Variants in SLC35C1 observed in about 807,000 individuals in gnomAD.
The protein encoded by SLC35C1 is solute carrier family 35 member C1.
Under a neutral mutation model 23.2 loss-of-function variants are expected in SLC35C1, and 8 were observed. The observed-to-expected ratio is 0.35, with a 90% confidence interval of 0.20 to 0.62. SLC35C1 has a LOEUF of 0.62. Ranked by LOEUF, SLC35C1 falls within the 20% of genes least tolerant of loss-of-function variation. SLC35C1 has a pLI of 0.75. For synonymous variants in SLC35C1, 226 were observed against 225.1 expected, an observed-to-expected ratio of 1.00 and a Z score of -0.04; for missense variants, 422 against 478.6, an observed-to-expected ratio of 0.88 and a Z score of 1.10.
rs1476944695 is a variant in SLC35C1 at position 45,812,366 on chromosome 11, G to A, written c.*1031G>A. 6 of 364,104 alleles carry A rather than the reference G, an allele frequency of 1.6e-5. No homozygotes were observed. Among genetic ancestry groups the A allele is most frequent in the Non-Finnish European group, 3.2e-5 (6 of 184,760 alleles). 22.6% of individuals were successfully genotyped at this position (364,104 alleles called of 1,614,324 possible). A position where few individuals can be genotyped will look rare whatever the true frequency, so the allele number is the denominator to read the frequency against. ...CACCAACCTTTACATTCTTCCCTGA[G>A]GTTGTGGCTGACAGAGCCTGCTTGG... On this transcript the variant is annotated 3_prime_UTR_variant, in exon 2 of 2. Transcript: ENST00000314134.
upstream of SLC35C1, chr11:45,805,019 G>A: frequency 2.0e-6 from 2 of 985,796 alleles, no homozygotes; most frequent in Non-Finnish European, 2.4e-6. Flanking sequence ...CAGGGGCGGG[G>A]CTGGGGACTG....
chr11:45,804,530 G>A (rs1278967980), upstream of SLC35C1: 12 of 985,600 alleles, frequency 1.2e-5, no homozygotes, highest in South Asian at 4.7e-5. Context: ...AAGAGATGCT[G>A]TCTTGAGCCT....
At chr11:45,809,920 A>G in intron 1 of SLC35C1, 1 of 985,378 alleles carries the variant, frequency 1.0e-6, no homozygotes, top group Non-Finnish European at 1.2e-6. Context: ...AGGCAGTAAG[A>G]GTCCAGGTTC....
At chr11:45,810,130 C>T (rs1451578780) in intron 1 of SLC35C1, 17 of 985,316 alleles carry the variant, frequency 1.7e-5, no homozygotes, top group Middle Eastern at 5.2e-4. Context: ...CCGCCTGCCA[C>T]GCCAAGGAGT....
At chr11:45,805,125 G>C, upstream of SLC35C1, 1 of 986,800 alleles carries the variant, frequency 1.0e-6, no homozygotes, top group Non-Finnish European at 1.2e-6. Flanking sequence ...AGTGAGTCCA[G>C]GGCCCGCCTC....
chr11:45,810,707 C>A, intron 1 of SLC35C1, 69 bp from the exon 2 acceptor site: 1 of 1,555,078 alleles, frequency 6.4e-7, no homozygotes, highest in Non-Finnish European at 8.7e-7. Context: ...GTCTGATCCT[C>A]TGTCCTTCTT....
upstream of SLC35C1, chr11:45,804,768 A>C: frequency 1.0e-6 from 1 of 985,598 alleles, no homozygotes; most frequent in Non-Finnish European, 1.2e-6. Context: ...CTGCAACGCG[A>C]GTCTCCGGAG....
At chr11:45,804,837 T>C, upstream of SLC35C1, 2 of 985,666 alleles carry the variant, frequency 2.0e-6, no homozygotes, top group Non-Finnish European at 2.4e-6. Flanking sequence ...TTCCGGGAAG[T>C]GGACCTGCGA....
chr11:45,805,074 G>C, upstream of SLC35C1: 1 of 985,774 alleles, frequency 1.0e-6, no homozygotes, highest in Non-Finnish European at 1.2e-6. Flanking sequence ...GGCAAGGCGG[G>C]GCGTGCGGGC....
chr11:45,806,251 C>T lies in SLC35C1; in HGVS notation c.450C>T (p.Thr150=), dbSNP rs767141422. The change falls in exon 1 of 2, where the codon ACC becomes ACT. Residue 150 remains threonine (T), a synonymous_variant. Coordinates refer to ENST00000314134, the MANE Select transcript of SLC35C1 (RefSeq NM_018389.5). ...VAFYNVGRSL[T]TVFNVLLSYL... is the part of the protein sequence containing the mutation. ...TCTACAATGTGGGCCGCTCACTCAC[C>T]ACCGTCTTCAACGTGCTGCTCTCCT... is the stretch of plus-strand genomic sequence containing the variant. 4.3e-6 allele frequency: 7 copies of T among 1,609,806 alleles called. No homozygotes were observed. The highest frequency in any genetic ancestry group is 1.3e-5 in the African/African-American group (1 of 74,932).
chr11:45,808,320 T>C (rs1009521988), intron 1 of SLC35C1, among the ~76,000 whole-genome samples: 2 of 151,848 alleles, frequency 1.3e-5, no homozygotes, highest in Admixed American at 6.6e-5. Context: ...GCCAACATGG[T>C]GAAACCCTGT....
chr11:45,807,482 G>A (rs946387906), intron 1 of SLC35C1, among the ~76,000 whole-genome samples: 3 of 152,120 alleles, frequency 2.0e-5, no homozygotes, highest in East Asian at 1.9e-4. Context: ...CATTCCCTCC[G>A]AGTCTTCCCA....
In SLC35C1 at chr11:45,809,684, C is replaced by A. The variant is rs1341187744; in HGVS notation, c.536-1092C>A. 3 of 924,746 alleles carry A rather than the reference C, an allele frequency of 3.2e-6. No individual in the cohort carries two copies. The African/African-American group carries it at 5.4e-5, about 17-fold the overall frequency. The allele number at this position is 924,746 out of a possible 1,614,324, so 57.3% of individuals were successfully genotyped here. ...CTCAGAGTGGTTAAGTAACTTCTCC[C>A]AGGCCACTCAGCTTCTAAATTGCAG... On this transcript the variant is annotated intron_variant, in intron 1 of 1. Coordinates refer to ENST00000314134, the MANE Select transcript of SLC35C1 (RefSeq NM_018389.5).
upstream of SLC35C1, chr11:45,804,800 T>C (rs1330805359): frequency 2.0e-6 from 2 of 985,530 alleles, no homozygotes; most frequent in Non-Finnish European, 2.4e-6. Context: ...CAGGCTGATG[T>C]AGCGCCGCCC....
Position 45,811,403 on chromosome 11 carries a change from A to G in SLC35C1, c.*68A>G. 2 of 1,344,406 alleles carry G rather than the reference A, an allele frequency of 1.5e-6. No homozygotes were observed. Among genetic ancestry groups the G allele is most frequent in the South Asian group, 1.5e-5 (1 of 65,028 alleles). The allele number at this position is 1,344,406 out of a possible 1,614,324, so 83.3% of individuals were successfully genotyped here. A position where few individuals can be genotyped will look rare whatever the true frequency, so the allele number is the denominator to read the frequency against. Reference sequence around the variant, plus strand: ...ACAGGCGGGGCCAGCACAGTAGTGAAGGCGGTCTCCTGGACCCCAGAAGCG... The same window carrying G: ...ACAGGCGGGGCCAGCACAGTAGTGAGGGCGGTCTCCTGGACCCCAGAAGCG... On this transcript the variant is annotated 3_prime_UTR_variant, in exon 2 of 2. Transcript: ENST00000314134.
In SLC35C1 at chr11:45,806,185, C is replaced by G; in HGVS notation, c.384C>G (p.Ile128Met). 6.2e-7 allele frequency: 1 copy of G among 1,605,320 alleles called. No individual in the cohort carries two copies. ...TGTCGGTGGTCTTCATCGGCATGAT[C>G]ACCTTCAATAACCTCTGCCTCAAGT... ...LPLSVVFIGM[I>M]TFNNLCLKYV... The change falls in exon 1 of 2, where the codon ATC becomes ATG. Residue 128 changes from isoleucine (I) to methionine (M), a missense_variant. Ile to Met is a conservative substitution (Grantham distance 10). Coordinates refer to ENST00000314134, the MANE Select transcript of SLC35C1 (RefSeq NM_018389.5).
upstream of SLC35C1, chr11:45,805,109 T>A (rs1565040006): frequency 1.3e-5 from 13 of 985,822 alleles, no homozygotes; most frequent in South Asian, 5.1e-4. Context: ...TGGGGGCGTG[T>A]CAGGAAGTGA....
intron 1 of SLC35C1, among the ~76,000 whole-genome samples, chr11:45,809,053 G>A (rs1458573166): frequency 1.3e-5 from 2 of 152,214 alleles, no homozygotes; most frequent in African/African-American, 2.4e-5. Context: ...TGCCTATGAT[G>A]TAGGAAGTAT....
chr11:45,804,602 A>AG, upstream of SLC35C1: 1 of 985,660 alleles, frequency 1.0e-6, no homozygotes, highest in Non-Finnish European at 1.2e-6. Context: ...GGACAAACTG[A>AG]AGTCCGAGAG....
Sources: gnomAD v4.1 joint callset for allele counts (sites outside exome capture counted in the v4.1 genomes callset) on GRCh38, gnomAD v4.1.1 for gene constraint, MANE v1.5 for transcripts, NCBI Gene and HGNC (gene_info 2026-07-23, HGNC 2026-07-21) for gene names.